ARAP2: variants seen among roughly 807,000 people sequenced by gnomAD.
ARAP2 encodes the protein ArfGAP with RhoGAP domain, ankyrin repeat and PH domain 2, also known as arf-GAP with Rho-GAP domain, ANK repeat and PH domain-containing protein 2.
Under a neutral mutation model 194.5 loss-of-function variants are expected in ARAP2, and 148 were observed. The observed-to-expected ratio is 0.76, with a 90% confidence interval of 0.67 to 0.87. The LOEUF (loss-of-function observed/expected upper bound fraction) is 0.87. ARAP2 is among the 40% of genes least tolerant of loss of function. The probability of loss-of-function intolerance (pLI) is 0.00; values close to 1 mark genes in which losing one functional copy is unlikely to be tolerated. For synonymous variants in ARAP2, 695 were observed against 683.5 expected (o/e 1.02, Z -0.26); for missense variants, 2,128 against 1,989.7 (o/e 1.07, Z -1.32).
chr4:36,066,456 T>C lies in ARAP2; in HGVS notation c.*1451A>G, dbSNP rs548037148. ...TTTTATCACCCCAAAATACAAATGA[T>C]CCGTATTTTACAATGAAGAAATTCA... On this transcript the variant is annotated 3_prime_UTR_variant, in exon 33 of 33. Transcript: ENST00000303965. 16 of 152,066 alleles carry C rather than the reference T, an allele frequency of 1.1e-4. No homozygotes were observed. Among genetic ancestry groups the C allele is most frequent in the Admixed American group, 5.9e-4 (9 of 15,280 alleles). The allele number at this position is 152,066 out of a possible 1,614,324, so 9.4% of individuals were successfully genotyped here.
intron 27 of ARAP2, among the ~76,000 whole-genome samples, chr4:36,100,670 TCAAAA>T (rs1405006156): frequency 6.6e-6 from 1 of 152,110 alleles, no homozygotes; most frequent in Non-Finnish European, 1.5e-5. Flanking sequence ...TGATATTCAC[TCAAAA>T]TGCACTTTGG....
At chr4:36,020,092 A>C (rs1156398473) in intron 5 of ARAP2, among the ~76,000 whole-genome samples, 1 of 152,222 alleles carries the variant, frequency 6.6e-6, no homozygotes, top group African/African-American at 2.4e-5. Flanking sequence ...AGGGTGGCTT[A>C]AACACAAACA....
chr4:36,174,914 C>T (rs530366459), intron 9 of ARAP2, among the ~76,000 whole-genome samples: 2 of 152,144 alleles, frequency 1.3e-5, no homozygotes, highest in South Asian at 4.1e-4. Flanking sequence ...ACACTTCCAC[C>T]TCTAGCCATT....
At chr4:36,065,424 C>T, downstream of ARAP2, 1 of 487,940 alleles carries the variant, frequency 2.0e-6, no homozygotes, top group Admixed American at 2.1e-5. Context: ...AAGAGCTCTG[C>T]ATGCCACCAC....
intron 22 of ARAP2, among the ~76,000 whole-genome samples, chr4:36,122,267 G>T (rs1267685504): frequency 6.6e-6 from 1 of 151,632 alleles, no homozygotes; most frequent in African/African-American, 2.4e-5. Context: ...CTATTACTAG[G>T]TATATACCCA....
intron 31 of ARAP2, among the ~76,000 whole-genome samples, chr4:36,075,043 T>C (rs913004802): frequency 1.3e-5 from 2 of 152,098 alleles, no homozygotes; most frequent in African/African-American, 4.8e-5. Context: ...AATTGGAAAG[T>C]TATAGCTTCA....
intron 26 of ARAP2, among the ~76,000 whole-genome samples, chr4:36,111,092 A>C (rs1042210808): frequency 2.0e-5 from 3 of 151,986 alleles, no homozygotes; most frequent in Non-Finnish European, 4.4e-5. Flanking sequence ...TCCTGGTTTA[A>C]AATATACAGA....
At chr4:36,170,732 A>C (rs1238629110) in intron 9 of ARAP2, among the ~76,000 whole-genome samples, 3 of 152,124 alleles carry the variant, frequency 2.0e-5, no homozygotes, top group Non-Finnish European at 4.4e-5. Flanking sequence ...TTGATTTCCT[A>C]AATAGTTCTG....
At chr4:36,137,078 G>C (rs1313225730) in intron 19 of ARAP2, among the ~76,000 whole-genome samples, 1 of 151,826 alleles carries the variant, frequency 6.6e-6, no homozygotes, top group East Asian at 1.9e-4. Flanking sequence ...AGGCTGATGA[G>C]ATACTCTAAA....
At chr4:36,170,847 T>G (rs1440435475) in intron 9 of ARAP2, among the ~76,000 whole-genome samples, 1 of 152,090 alleles carries the variant, frequency 6.6e-6, no homozygotes, top group African/African-American at 2.4e-5. Flanking sequence ...CTGTGCTTAG[T>G]CCTTTGGCTG....
downstream of ARAP2, among the ~76,000 whole-genome samples, chr4:36,063,902 G>A (rs1488924573): frequency 3.3e-5 from 5 of 152,174 alleles, no homozygotes; most frequent in African/African-American, 7.2e-5. Flanking sequence ...GCAAATATCT[G>A]CATGCTACAA....
At chr4:36,140,966 C>T (rs968528218) in intron 19 of ARAP2, among the ~76,000 whole-genome samples, 2 of 151,628 alleles carry the variant, frequency 1.3e-5, no homozygotes, top group Non-Finnish European at 3.0e-5. Flanking sequence ...TTAGAACCAA[C>T]AACCTTTCAA....
rs1477944932 is a variant in ARAP2 at position 36,068,185 on chromosome 4, C to T, written c.4837G>A (p.Ala1613Thr). Residue 1613 changes from alanine to threonine, a missense_variant, in exon 33 of 33, where the codon GCC becomes ACC. Physicochemically the swap from Ala to Thr is moderately conservative, Grantham distance 58. Transcript: ENST00000303965. The part of the protein sequence containing the change: ...SSLKERASMV[A>T]HCLEHKDDKL... ...TCGTCCTTGTGCTCCAGGCAGTGGGCCACCATGGAAGCTCTCTCCTTTAAG... is the reference window on the plus strand; with the variant it reads ...TCGTCCTTGTGCTCCAGGCAGTGGGTCACCATGGAAGCTCTCTCCTTTAAG... 2 of 1,613,978 alleles carry T rather than the reference C, an allele frequency of 1.2e-6. No individual in the cohort carries two copies. Among genetic ancestry groups the T allele is most frequent in the Non-Finnish European group, 1.7e-6 (2 of 1,179,900 alleles).
chr4:36,099,471 T>C (rs748360228), intron 27 of ARAP2, among the ~76,000 whole-genome samples: 1 of 152,104 alleles, frequency 6.6e-6, no homozygotes, highest in Non-Finnish European at 1.5e-5. Context: ...CATTACAATA[T>C]CGTACGCCTG....
chr4:36,018,117 T>C (rs575737633), intron 6 of ARAP2, among the ~76,000 whole-genome samples: 3 of 152,274 alleles, frequency 2.0e-5, no homozygotes, highest in African/African-American at 7.2e-5. Flanking sequence ...ATACAAAGTT[T>C]AAAATGTTTT....
intron 29 of ARAP2, 47 bp downstream of exon 29, chr4:36,083,321 T>C (rs781346160): frequency 7.4e-7 from 1 of 1,353,312 alleles, no homozygotes; most frequent in South Asian, 1.3e-5. Context: ...AATAGACATA[T>C]TTTTCCCATA....
intron 1 of ARAP2, among the ~76,000 whole-genome samples, chr4:36,242,663 T>C (rs1475997892): frequency 1.3e-5 from 2 of 152,204 alleles, no homozygotes; most frequent in South Asian, 4.1e-4. Flanking sequence ...AGCCTTACAC[T>C]GCAAGGAGCT....
chr4:36,147,447 A>G, intron 18 of ARAP2, 88 bp from the exon 19 acceptor site: 2 of 1,564,258 alleles, frequency 1.3e-6, no homozygotes, highest in South Asian at 2.3e-5. Context: ...CTGCTTAGTC[A>G]TAAGTTTGGG....
chr4:36,053,614 C>A (rs1330793502), intron 2 of ARAP2, among the ~76,000 whole-genome samples: 1 of 152,132 alleles, frequency 6.6e-6, no homozygotes, highest in Non-Finnish European at 1.5e-5. Flanking sequence ...CCAAAGATAT[C>A]AACAATGACA....
Sources: gnomAD v4.1 joint callset for allele counts (sites outside exome capture counted in the v4.1 genomes callset) on GRCh38, gnomAD v4.1.1 for gene constraint, MANE v1.5 for transcripts, NCBI Gene and HGNC (gene_info 2026-07-23, HGNC 2026-07-21) for gene names.